NXPH1: variants seen among roughly 807,000 people sequenced by gnomAD.
NXPH1 encodes the protein neurexophilin 1, also known as neurexophilin-1.
Under a neutral mutation model 23.7 loss-of-function variants are expected in NXPH1, and 5 were observed. The observed-to-expected ratio is 0.21, with a 90% confidence interval of 0.11 to 0.44. The LOEUF (loss-of-function observed/expected upper bound fraction) is 0.44, where lower values mean the gene tolerates loss of function less well. NXPH1 is among the 20% of genes least tolerant of loss of function. The pLI is 0.99. For synonymous variants in NXPH1, 144 were observed against 122.2 expected (o/e 1.18, Z -1.18); for missense variants, 324 against 321.6 (o/e 1.01, Z -0.06).
Position 8,751,116 on chromosome 7 carries a change from A to T in NXPH1, c.163A>T (p.Ile55Phe). The change falls in exon 3 of 3, where the codon ATC becomes TTC. Residue 55 changes from isoleucine (I) to phenylalanine (F), a missense_variant. By Grantham distance (21) the Ile-to-Phe change is conservative. Coordinates refer to ENST00000405863, the MANE Select transcript of NXPH1 (RefSeq NM_152745.3). This position sits in a 1 kb window ranked among gnomAD's most constrained non-coding sequence, Gnocchi z 4.5. ...IWTESSKDLS[I>F]SRLLSQTFRG... The stretch of plus-strand genomic sequence containing the variant: ...GACAGAAAGCAGCAAAGACTTGTCT[A>T]TCAGCCGACTCCTGTCACAGACTTT... 2 of 1,613,846 alleles carry T rather than the reference A, an allele frequency of 1.2e-6. No homozygotes were observed. The highest frequency in any genetic ancestry group is 2.2e-5 in the South Asian group (2 of 91,088).
chr7:8,488,403 T>C (rs1275529395), intron 2 of NXPH1, among the ~76,000 whole-genome samples: 1 of 152,100 alleles, frequency 6.6e-6, no homozygotes, highest in Non-Finnish European at 1.5e-5. Context: ...GTTTATAACA[T>C]TTGACCATTT....
intron 2 of NXPH1, among the ~76,000 whole-genome samples, chr7:8,542,616 A>G (rs1439478739): frequency 6.6e-6 from 1 of 151,640 alleles, no homozygotes; most frequent in Admixed American, 6.6e-5. Context: ...TCAAGTCACA[A>G]AAACTAGTTT....
At chr7:8,521,764 G>A (rs1287541477) in intron 2 of NXPH1, among the ~76,000 whole-genome samples, 2 of 152,154 alleles carry the variant, frequency 1.3e-5, no homozygotes, top group Admixed American at 6.6e-5. Flanking sequence ...CAATGGCAGT[G>A]TAACTGTCAC....
intron 2 of NXPH1, among the ~76,000 whole-genome samples, chr7:8,467,818 A>G (rs1816809316): frequency 6.6e-6 from 1 of 152,144 alleles, no homozygotes. Context: ...ATTTCCTTAG[A>G]AGAAAGGAGT....
Position 8,751,960 on chromosome 7 carries a change from A to G in NXPH1, c.*191A>G, listed in dbSNP as rs930019126. 1.1e-5 allele frequency: 6 copies of G among 568,886 alleles called. No homozygotes were observed. Among genetic ancestry groups the G allele is most frequent in the African/African-American group, 3.7e-5 (2 of 53,572 alleles). The allele number at this position is 568,886 out of a possible 1,614,324, so 35.2% of individuals were successfully genotyped here. A position where few individuals can be genotyped will look rare whatever the true frequency, so the allele number is the denominator to read the frequency against. Reference sequence around the variant, plus strand: ...TGCCCAGTCAGCTTCATCCCTCAGTATAATTGTAAATCATCACAGATTTTG... The same window carrying G: ...TGCCCAGTCAGCTTCATCCCTCAGTGTAATTGTAAATCATCACAGATTTTG... On this transcript the variant is annotated 3_prime_UTR_variant, in exon 3 of 3. Coordinates refer to ENST00000405863, the MANE Select transcript of NXPH1 (RefSeq NM_152745.3). This position sits in a 1 kb window ranked among gnomAD's most constrained non-coding sequence, Gnocchi z 4.5.
chr7:8,534,038 A>G (rs567522306), intron 2 of NXPH1, among the ~76,000 whole-genome samples: 23 of 152,136 alleles, frequency 1.5e-4, no homozygotes, highest in Non-Finnish European at 2.4e-4. Context: ...TGCTTCCATG[A>G]TGCCAAAACT....
intron 2 of NXPH1, among the ~76,000 whole-genome samples, chr7:8,750,331 A>G (rs990665585): frequency 1.3e-5 from 2 of 152,282 alleles, no homozygotes; most frequent in South Asian, 4.1e-4. Context: ...ATATTTATAT[A>G]TTTCTTCTAA....
chr7:8,730,776 T>G (rs1276815459), intron 2 of NXPH1, among the ~76,000 whole-genome samples: 3 of 151,000 alleles, frequency 2.0e-5, no homozygotes, highest in Non-Finnish European at 4.4e-5. Flanking sequence ...CCTTAACATT[T>G]TTTCCTGCAT....
intron 2 of NXPH1, among the ~76,000 whole-genome samples, chr7:8,458,674 A>C (rs1458161090): frequency 6.6e-6 from 1 of 152,168 alleles, no homozygotes; most frequent in African/African-American, 2.4e-5. Flanking sequence ...GTTTTCTAAT[A>C]TGTAAAGTGA....
In NXPH1 at chr7:8,751,473, G is replaced by T; in HGVS notation, c.520G>T (p.Val174Leu). The T allele has an allele frequency of 1.2e-6, 2 of 1,613,752 alleles. No homozygotes were observed. Among genetic ancestry groups the T allele is most frequent in the Non-Finnish European group, 1.7e-6 (2 of 1,179,834 alleles). The change falls in exon 3 of 3, where the codon GTG (valine) becomes TTG (leucine). Residue 174 changes from valine (V) to leucine (L), a missense_variant. By Grantham distance (32) the Val-to-Leu change is conservative. Transcript: ENST00000405863. This position sits in a 1 kb window ranked among gnomAD's most constrained non-coding sequence, Gnocchi z 4.5. ...CAGCTTGGTACCCCCTACAAAAATCGTGGAATTTGACTTGGCACAACAAAC... is the reference window on the plus strand; with the variant it reads ...CAGCTTGGTACCCCCTACAAAAATCTTGGAATTTGACTTGGCACAACAAAC... ...SVSLVPPTKI[V>L]EFDLAQQTVI... is the part of the protein sequence containing the mutation.
intron 2 of NXPH1, among the ~76,000 whole-genome samples, chr7:8,501,548 A>G (rs1266845789): frequency 6.6e-6 from 1 of 152,092 alleles, no homozygotes; most frequent in African/African-American, 2.4e-5. Flanking sequence ...CATTAAAATA[A>G]TTTCAAAACT....
chr7:8,466,198 ATAT>A (rs1264730511), intron 2 of NXPH1, among the ~76,000 whole-genome samples: 1 of 152,198 alleles, frequency 6.6e-6, no homozygotes, highest in Non-Finnish European at 1.5e-5. Flanking sequence ...TGGGACCATG[ATAT>A]TATCAGGAAG....
At chr7:8,512,297 C>A (rs564443188) in intron 2 of NXPH1, among the ~76,000 whole-genome samples, 1 of 152,214 alleles carries the variant, frequency 6.6e-6, no homozygotes, top group East Asian at 1.9e-4. Context: ...TTTTGTAACC[C>A]TTTTTGAATT....
chr7:8,601,625 G>A (rs1819363908), intron 2 of NXPH1, among the ~76,000 whole-genome samples: 1 of 152,134 alleles, frequency 6.6e-6, no homozygotes, highest in South Asian at 2.1e-4. Flanking sequence ...ATTGAAAATA[G>A]GGACAAGTCC....
Position 8,551,646 on chromosome 7 carries a change from T to C in NXPH1, c.54+115879T>C, listed in dbSNP as rs751078450. Among the ~76,000 whole-genome samples, 36 of 151,630 alleles carry C rather than the reference T, an allele frequency of 2.4e-4. 1 individual carries two copies. Among genetic ancestry groups the C allele is most frequent in the Non-Finnish European group, 3.5e-4 (24 of 67,614 alleles). On this transcript the variant is annotated intron_variant, in intron 2 of 2. Coordinates refer to ENST00000405863, the MANE Select transcript of NXPH1 (RefSeq NM_152745.3). ...CAATTTTGGAAGAAGGGAAATGCAT[T>C]CTTTTTTAAACAGAAAAACATTCTT...
At chr7:8,617,346 T>C (rs1452996012) in intron 2 of NXPH1, among the ~76,000 whole-genome samples, 1 of 152,064 alleles carries the variant, frequency 6.6e-6, no homozygotes, top group East Asian at 1.9e-4. Context: ...CAAAGAGATA[T>C]TTGCACTCCT....
At chr7:8,525,991 C>T (rs905130592) in intron 2 of NXPH1, among the ~76,000 whole-genome samples, 6 of 113,118 alleles carry the variant, frequency 5.3e-5, no homozygotes, top group Non-Finnish European at 1.2e-4. Flanking sequence ...CTCCAGACCC[C>T]AGAATGGTAG....
chr7:8,447,698 G>A (rs1816429323), intron 2 of NXPH1, among the ~76,000 whole-genome samples: 1 of 152,214 alleles, frequency 6.6e-6, no homozygotes, highest in Non-Finnish European at 1.5e-5. Flanking sequence ...TTTGCCCTGA[G>A]GTGTTTAATC....
At chr7:8,674,731 G>C (rs115674811) in intron 2 of NXPH1, among the ~76,000 whole-genome samples, 2,636 of 152,272 alleles carry the variant, frequency 0.017, 80 homozygotes, top group African/African-American at 0.06. Flanking sequence ...GCAGGTTCTT[G>C]ACAATTTTGG....
Sources: gnomAD v4.1 joint callset for allele counts (sites outside exome capture counted in the v4.1 genomes callset) on GRCh38, gnomAD v4.1.1 for gene constraint, Gnocchi (gnomAD v3.1) non-coding constraint, MANE v1.5 for transcripts, NCBI Gene and HGNC (gene_info 2026-07-23, HGNC 2026-07-21) for gene names.